TIRAP: variants seen among roughly 807,000 people sequenced by gnomAD.
TIRAP encodes the protein TIR domain containing adaptor protein.
Under a neutral mutation model 19.8 loss-of-function variants are expected in TIRAP, and 20 were observed. The ratio of observed to expected loss-of-function variants is 1.01; its 90% CI spans 0.71 to 1.47. The LOEUF (loss-of-function observed/expected upper bound fraction) is 1.47, where lower values mean the gene tolerates loss of function less well. TIRAP is among the 40% of genes most tolerant of loss of function. TIRAP has a pLI of 0.00. For synonymous variants in TIRAP, 125 were observed against 121.7 expected, an observed-to-expected ratio of 1.03 and a Z score of -0.18; for missense variants, 276 against 285.1, an observed-to-expected ratio of 0.97 and a Z score of 0.23.
chr11:126,289,929 A>G (rs1479853622), intron 1 of TIRAP: 2 of 711,302 alleles, frequency 2.8e-6, no homozygotes, highest in Admixed American at 6.3e-5. Flanking sequence ...CTAAAAAACA[A>G]AAATCTTCTA....
Position 126,292,742 on chromosome 11 carries a change from T to G in TIRAP, c.333T>G (p.Thr111=). The G allele has an allele frequency of 6.2e-7, 1 of 1,613,238 alleles. No homozygotes were observed. The highest frequency in any genetic ancestry group is 8.5e-7 in the Non-Finnish European group (1 of 1,179,738). The change falls in exon 4 of 5, where the codon ACT becomes ACG. Residue 111 remains threonine, a synonymous_variant. Transcript: ENST00000392679. The part of the protein sequence containing the change: ...QDLVSYLEGS[T]ASLRCFLQLR... The stretch of plus-strand genomic sequence containing the variant: ...TGGTCTCCTACTTGGAAGGCAGCAC[T>G]GCCAGCCTGCGCTGCTTCCTGCAAC...
At chr11:126,285,243 G>GTGTGTGTGTGTGTGTATATATATA in intron 1 of TIRAP, among the ~76,000 whole-genome samples, 7 of 106,974 alleles carry the variant, frequency 6.5e-5, no homozygotes, top group South Asian at 3.3e-4. Context: ...GTGTGTGTGT[G>GTGTGTGTGTGTGTGTATATATATA]TATATATATA....
Position 126,291,331 on chromosome 11 carries a change from A to C in TIRAP, c.67+370A>C. The C allele has an allele frequency of 1.4e-6, 1 of 717,862 alleles. No individual in the cohort carries two copies. Among genetic ancestry groups the C allele is most frequent in the South Asian group, 1.4e-5 (1 of 69,146 alleles). 44.5% of individuals were successfully genotyped at this position (717,862 alleles called of 1,614,324 possible). A position where few individuals can be genotyped will look rare whatever the true frequency, so the allele number is the denominator to read the frequency against. ...AAATGAATCAATCCCCACCACAACTATCTGTCCTTATCAAAGGCTGGGGAA... is the reference window on the plus strand; with the variant it reads ...AAATGAATCAATCCCCACCACAACTCTCTGTCCTTATCAAAGGCTGGGGAA... On this transcript the variant is annotated intron_variant, in intron 3 of 4. Coordinates refer to ENST00000392679, the MANE Select transcript of TIRAP (RefSeq NM_001318777.2). This position sits in a 1 kb window ranked among gnomAD's most constrained non-coding sequence, Gnocchi z 5.6.
In TIRAP at chr11:126,288,486, G is replaced by A. The variant is rs573435423; in HGVS notation, c.-216-1976G>A. The A allele has an allele frequency of 6.6e-6, 1 of 152,352 alleles. No homozygotes were observed. The highest frequency in any genetic ancestry group is 1.9e-4 in the East Asian group (1 of 5,182). 9.4% of individuals were successfully genotyped at this position (152,352 alleles called of 1,614,324 possible). On this transcript the variant is annotated intron_variant, in intron 1 of 4. Transcript: ENST00000392679. This position sits in a 1 kb window ranked among gnomAD's most constrained non-coding sequence, Gnocchi z 5.0. ...AAAAGAACTGAAAAGGAACAGGGAA[G>A]GTGCATGGCGTCTTGGATTCCAGGA...
intron 1 of TIRAP, among the ~76,000 whole-genome samples, chr11:126,283,414 C>T (rs917878345): frequency 2.0e-5 from 3 of 152,248 alleles, no homozygotes; most frequent in African/African-American, 4.8e-5. Context: ...GAAGCTCGCG[C>T]GGGGCGGCTC....
rs1253468838 is a variant in TIRAP, at chr11:126,293,649, T to C, written c.647-19T>C. 9 of 1,613,746 alleles carry C rather than the reference T, an allele frequency of 5.6e-6. No individual in the cohort carries two copies. Among genetic ancestry groups the C allele is most frequent in the Non-Finnish European group, 7.6e-6 (9 of 1,179,834 alleles). ...CTGGGTTTGGGAGGTGTGACAACGCTGTGATTGGTCTCTTTCAGATCTGCA... is the reference window on the plus strand; with the variant it reads ...CTGGGTTTGGGAGGTGTGACAACGCCGTGATTGGTCTCTTTCAGATCTGCA... On this transcript the variant is annotated intron_variant, in intron 4 of 4. Coordinates refer to ENST00000392679, the MANE Select transcript of TIRAP (RefSeq NM_001318777.2).
Position 126,294,420 on chromosome 11 carries a change from G to A in TIRAP, c.*733G>A, listed in dbSNP as rs763175859. The A allele has an allele frequency of 1.2e-5, 5 of 432,650 alleles. No individual in the cohort carries two copies. The highest frequency in any genetic ancestry group is 2.3e-5 in the Non-Finnish European group (5 of 214,912). The allele number at this position is 432,650 out of a possible 1,614,324, so 26.8% of individuals were successfully genotyped here. A position where few individuals can be genotyped will look rare whatever the true frequency, so the allele number is the denominator to read the frequency against. On this transcript the variant is annotated 3_prime_UTR_variant, in exon 5 of 5. Transcript: ENST00000392679. ...GGGGGTGGGGTGGTGGAGGGAGCAA[G>A]TGAAGAGATGGGAATCCAGGGCTCA...
At chr11:126,285,898 A>G (rs534793953) in intron 1 of TIRAP, among the ~76,000 whole-genome samples, 50 of 151,518 alleles carry the variant, frequency 3.3e-4, no homozygotes, top group African/African-American at 1.2e-3. Context: ...AAAAATGAAA[A>G]AAATAAATTA....
At position 126,290,318 on chromosome 11, in the gene TIRAP, T is replaced by G; in HGVS notation, c.-216-144T>G. On this transcript the variant is annotated intron_variant, in intron 1 of 4. Coordinates refer to ENST00000392679, the MANE Select transcript of TIRAP (RefSeq NM_001318777.2). This position sits in a 1 kb window ranked among gnomAD's most constrained non-coding sequence, Gnocchi z 4.9. ...GCTGCAGGGGCGATGGGTCTATGGATGGAGTTATTCAGGGGGAGGCAGACT... is the reference window on the plus strand; with the variant it reads ...GCTGCAGGGGCGATGGGTCTATGGAGGGAGTTATTCAGGGGGAGGCAGACT... 4 of 551,624 alleles carry G rather than the reference T, an allele frequency of 7.3e-6. No individual in the cohort carries two copies. The highest frequency in any genetic ancestry group is 6.3e-5 in the Admixed American group (1 of 15,780). The allele number at this position is 551,624 out of a possible 1,614,324, so 34.2% of individuals were successfully genotyped here. A position where few individuals can be genotyped will look rare whatever the true frequency, so the allele number is the denominator to read the frequency against.
At chr11:126,285,231 A>ATATGTGTG (rs1555068767) in intron 1 of TIRAP, among the ~76,000 whole-genome samples, 8 of 128,730 alleles carry the variant, frequency 6.2e-5, no homozygotes, top group Middle Eastern at 3.8e-3. Context: ...TATTGGATAT[A>ATATGTGTG]TGTGTGTGTG....
Position 126,294,677 on chromosome 11 carries a change from T to G in TIRAP, c.*990T>G. ...TTGAACTGAAATGAATTTCATTATT[T>G]CCTCCAATGTGTACTTTTGTGCCCC... On this transcript the variant is annotated 3_prime_UTR_variant, in exon 5 of 5. Transcript: ENST00000392679. The G allele has an allele frequency of 2.5e-6, 1 of 394,254 alleles. No individual in the cohort carries two copies. The highest frequency in any genetic ancestry group is 5.1e-6 in the Non-Finnish European group (1 of 194,600). The allele number at this position is 394,254 out of a possible 1,614,324, so 24.4% of individuals were successfully genotyped here. A position where few individuals can be genotyped will look rare whatever the true frequency, so the allele number is the denominator to read the frequency against.
In TIRAP at chr11:126,290,326, T is replaced by C. The variant is rs1430067379; in HGVS notation, c.-216-136T>C. Reference sequence around the variant, plus strand: ...GGCGATGGGTCTATGGATGGAGTTATTCAGGGGGAGGCAGACTTGGAGGAA... The same window carrying C: ...GGCGATGGGTCTATGGATGGAGTTACTCAGGGGGAGGCAGACTTGGAGGAA... On this transcript the variant is annotated intron_variant, in intron 1 of 4. Transcript: ENST00000392679. The surrounding 1 kb of genome is among the most constrained non-coding windows in gnomAD (Gnocchi z 4.9). The C allele has an allele frequency of 3.1e-6, 2 of 641,916 alleles. No individual in the cohort carries two copies. Among genetic ancestry groups the C allele is most frequent in the Non-Finnish European group, 1.9e-6 (1 of 516,188 alleles). 39.8% of individuals were successfully genotyped at this position (641,916 alleles called of 1,614,324 possible).
rs748062933 is a variant in TIRAP at position 126,293,791 on chromosome 11, G to A, written c.*104G>A. Reference sequence around the variant, plus strand: ...AAATGTGACAAGAGGTATAGGGAGTGAGTCACAGCGCTTTGCTCGTGACCC... The same window carrying A: ...AAATGTGACAAGAGGTATAGGGAGTAAGTCACAGCGCTTTGCTCGTGACCC... On this transcript the variant is annotated 3_prime_UTR_variant, in exon 5 of 5. Coordinates refer to ENST00000392679, the MANE Select transcript of TIRAP (RefSeq NM_001318777.2). 7.5e-7 allele frequency: 1 copy of A among 1,336,036 alleles called. No homozygotes were observed. Among genetic ancestry groups the A allele is most frequent in the South Asian group, 1.2e-5 (1 of 85,254 alleles). 82.8% of individuals were successfully genotyped at this position (1,336,036 alleles called of 1,614,324 possible).
At position 126,291,258 on chromosome 11, in the gene TIRAP, A is replaced by G; in HGVS notation, c.67+297A>G. The G allele has an allele frequency of 1.8e-6, 1 of 563,230 alleles. No homozygotes were observed. The highest frequency in any genetic ancestry group is 3.1e-6 in the Non-Finnish European group (1 of 324,690). The allele number at this position is 563,230 out of a possible 1,614,324, so 34.9% of individuals were successfully genotyped here. On this transcript the variant is annotated intron_variant, in intron 3 of 4. Coordinates refer to ENST00000392679, the MANE Select transcript of TIRAP (RefSeq NM_001318777.2). This position sits in a 1 kb window ranked among gnomAD's most constrained non-coding sequence, Gnocchi z 5.6. The stretch of plus-strand genomic sequence containing the variant: ...TGCTTAACACTGTCTCTTGTCGTCC[A>G]AATCTTTGTTCCAGAACCATTTAGA...
Position 126,290,961 on chromosome 11 carries a change from G to A in TIRAP, c.67G>A (p.Asp23Asn), listed in dbSNP as rs781581574. ...TAAGAAGCCTCTAGGCAAGATGGCT[G>A]GTGAGTGGAACCGGACTCGCGACTC... ...RPKKPLGKMA[D>N]WFRQTLLKKP... Residue 23 changes from aspartate to asparagine, a missense_variant and splice_region_variant, in exon 3 of 5, where the codon GAC becomes AAC. Asp to Asn is a conservative substitution (Grantham distance 23, BLOSUM62 1). Transcript: ENST00000392679. This position sits in a 1 kb window ranked among gnomAD's most constrained non-coding sequence, Gnocchi z 4.9. 4.4e-6 allele frequency: 7 copies of A among 1,603,816 alleles called. No homozygotes were observed. In the Admixed American group the frequency reaches 5.1e-5, roughly 12 times the overall value.
rs749705411 is a variant in TIRAP, at chr11:126,292,877, G to A, written c.468G>A (p.Trp156Ter). ...CGCCGGGCTTCCTTCAGGACCCCTG[G>A]TGCAAGTACCAGATGCTGCAGGCCC... ...LITPGFLQDP[W>*]CKYQMLQALT... Residue 156 changes from tryptophan to a stop codon, truncating the protein, a stop_gained, in exon 4 of 5, where the codon TGG becomes TGA. Transcript: ENST00000392679. LOFTEE classifies it high-confidence loss of function. The A allele has an allele frequency of 5.0e-6, 8 of 1,613,322 alleles. No homozygotes were observed. The Admixed American group carries it at 1.3e-4, about 27-fold the overall frequency.
In TIRAP at chr11:126,291,093, C is replaced by A; in HGVS notation, c.67+132C>A. ...AAGGCTGACGTGGGGAACTCCTGAC[C>A]TGAATTCAGGGCCTGGATGCTTTGT... On this transcript the variant is annotated intron_variant, in intron 3 of 4. Transcript: ENST00000392679. The surrounding 1 kb of genome is among the most constrained non-coding windows in gnomAD (Gnocchi z 5.6). 1 of 1,126,120 alleles carries A rather than the reference C, an allele frequency of 8.9e-7. No individual in the cohort carries two copies. Among genetic ancestry groups the A allele is most frequent in the Non-Finnish European group, 1.2e-6 (1 of 803,768 alleles). 69.8% of individuals were successfully genotyped at this position (1,126,120 alleles called of 1,614,324 possible).
At position 126,294,465 on chromosome 11, in the gene TIRAP, G is replaced by C; in HGVS notation, c.*778G>C. The C allele has an allele frequency of 4.4e-6, 2 of 455,372 alleles. No homozygotes were observed. Among genetic ancestry groups the C allele is most frequent in the South Asian group, 3.1e-5 (2 of 64,450 alleles). The allele number at this position is 455,372 out of a possible 1,614,324, so 28.2% of individuals were successfully genotyped here. ...GGCTCAGGGTTCAATGCCTTCACCT[G>C]AGATCACAAGCCCATGGATGCTGTG... is the stretch of plus-strand genomic sequence containing the variant. On this transcript the variant is annotated 3_prime_UTR_variant, in exon 5 of 5. Transcript: ENST00000392679.
chr11:126,284,033 CTTTTTT>C (rs749115228), intron 1 of TIRAP, among the ~76,000 whole-genome samples: 3 of 113,174 alleles, frequency 2.7e-5, no homozygotes, highest in Admixed American at 2.1e-4. Context: ...TCATGTACTT[CTTTTTT>C]TTTTTTTTTT....
Sources: allele counts gnomAD v4.1 joint callset (sites outside exome capture counted in the v4.1 genomes callset), GRCh38; gene constraint gnomAD v4.1.1; non-coding constraint Gnocchi (gnomAD v3.1); transcripts MANE v1.5; gene names NCBI Gene and HGNC (gene_info 2026-07-23, HGNC 2026-07-21).